ITSN1: variants seen among roughly 807,000 people sequenced by gnomAD.
The protein encoded by ITSN1 is intersectin 1, also known as intersectin-1.
ITSN1 carries 58 observed loss-of-function variants against 239.8 expected under a neutral mutation model. That is an observed-to-expected ratio of 0.24 (90% CI 0.20 to 0.30). The LOEUF is 0.30. ITSN1 is among the 10% of genes least tolerant of loss of function. The pLI is 1.00. For synonymous variants in ITSN1, 780 were observed against 770.8 expected (o/e 1.01, Z -0.20); for missense variants, 1,558 against 2,103.3 (o/e 0.74, Z 5.07).
intron 11 of ITSN1, among the ~76,000 whole-genome samples, chr21:33,771,430 G>A (rs1177602469): frequency 6.6e-6 from 1 of 152,060 alleles, no homozygotes; most frequent in East Asian, 1.9e-4. Flanking sequence ...TAAGGGACAA[G>A]GATGATGGGA....
chr21:33,730,323 A>G (rs1418391705), intron 4 of ITSN1, among the ~76,000 whole-genome samples: 1 of 146,024 alleles, frequency 6.8e-6, no homozygotes, highest in Non-Finnish European at 1.5e-5. Flanking sequence ...ACGTGTATGT[A>G]TTCATATTTA....
At chr21:33,782,762 A>G (rs1462203619) in intron 16 of ITSN1, among the ~76,000 whole-genome samples, 3 of 152,106 alleles carry the variant, frequency 2.0e-5, no homozygotes, top group East Asian at 1.9e-4. Flanking sequence ...GTGGTGGCTC[A>G]TGCCTGTAAT....
chr21:33,860,669 G>A (rs60130002), intron 31 of ITSN1, among the ~76,000 whole-genome samples: 1,558 of 152,318 alleles, frequency 0.01, 32 homozygotes, highest in African/African-American at 0.035. Flanking sequence ...GCTCAGAGAG[G>A]CTGAGTGACT....
chr21:33,670,157 C>T (rs576298800), intron 1 of ITSN1, among the ~76,000 whole-genome samples: 35 of 152,226 alleles, frequency 2.3e-4, no homozygotes, highest in Middle Eastern at 3.4e-3. Flanking sequence ...AGCCCAGGAC[C>T]AGCTTGGACA....
At chr21:33,655,590 T>A (rs1221139329) in intron 1 of ITSN1, among the ~76,000 whole-genome samples, 13 of 150,702 alleles carry the variant, frequency 8.6e-5, no homozygotes. Flanking sequence ...CTAATTTTTT[T>A]TTTTTTTTTT....
Position 33,735,096 on chromosome 21 carries a change from A to T in ITSN1, c.238A>T (p.Ile80Leu), listed in dbSNP as rs758689244. 6.2e-7 allele frequency: 1 copy of T among 1,613,956 alleles called. No homozygotes were observed. The highest frequency in any genetic ancestry group is 1.7e-5 in the Admixed American group (1 of 59,996). Residue 80 changes from isoleucine to leucine, a missense_variant, in exon 5 of 40, where the codon ATA becomes TTA. By Grantham distance (5) the Ile-to-Leu change is conservative. Around this residue, in one of 2 missense-constraint regions of ITSN1, gnomAD observed 982 missense variants for 1,209.9 expected, o/e 0.81. Transcript: ENST00000381318. ...AAGAATGGATCAAGTGGAGTTTTCC[A>T]TAGCTATGAAACTTATCAAACTGAA... Reference protein sequence around the residue: ...DGRMDQVEFSIAMKLIKLKLQ... With the variant: ...DGRMDQVEFSLAMKLIKLKLQ...
chr21:33,719,056 A>T (rs1661504959), intron 2 of ITSN1, among the ~76,000 whole-genome samples, 200 bp downstream of exon 2: 1 of 152,216 alleles, frequency 6.6e-6, no homozygotes, highest in African/African-American at 2.4e-5. Flanking sequence ...CCCAGGCATC[A>T]TTTCATCTAT....
At position 33,782,122 on chromosome 21, in the gene ITSN1, A is replaced by G. The variant is rs1479636163; in HGVS notation, c.1813A>G (p.Asn605Asp). ...SKLQEIDIFN[N>D]QLKELREIHN... ...ACTACAGGAGATTGATATTTTCAAT[A>G]ATCAGCTGAAGGTAACTCTTCTATG... The change falls in exon 16 of 40, where the codon AAT (asparagine) becomes GAT (aspartate). Residue 605 changes from asparagine (N) to aspartate (D), a missense_variant. This residue lies in a region of ITSN1 where 982 missense variants were observed against 1,209.9 expected (regional missense o/e 0.81). Transcript: ENST00000381318. 6.2e-7 allele frequency: 1 copy of G among 1,613,680 alleles called. No homozygotes were observed. The highest frequency in any genetic ancestry group is 1.3e-5 in the African/African-American group (1 of 75,018).
chr21:33,818,866 AG>A (rs1272799627), intron 23 of ITSN1, among the ~76,000 whole-genome samples: 1 of 152,236 alleles, frequency 6.6e-6, no homozygotes, highest in Non-Finnish European at 1.5e-5. Flanking sequence ...CTTTTTCATT[AG>A]GGTCTTATAG....
chr21:33,671,450 C>G (rs2090273207), intron 1 of ITSN1, among the ~76,000 whole-genome samples: 1 of 151,958 alleles, frequency 6.6e-6, no homozygotes, highest in African/African-American at 2.4e-5. Flanking sequence ...CCACGCCCGA[C>G]TAATTTTGTA....
At chr21:33,703,048 T>G (rs1201561384) in intron 1 of ITSN1, among the ~76,000 whole-genome samples, 2 of 151,742 alleles carry the variant, frequency 1.3e-5, no homozygotes, top group Non-Finnish European at 2.9e-5. Flanking sequence ...ATCGCACCAC[T>G]GCACTCCAGC....
intron 1 of ITSN1, among the ~76,000 whole-genome samples, chr21:33,666,709 G>A (rs1007310982): frequency 1.3e-4 from 20 of 152,232 alleles, no homozygotes; most frequent in African/African-American, 4.8e-4. Context: ...GGGTATTGTG[G>A]AGCCCTTGGG....
chr21:33,887,702 C>T (rs1206144209), intron 39 of ITSN1, among the ~76,000 whole-genome samples: 1 of 152,134 alleles, frequency 6.6e-6, no homozygotes, highest in African/African-American at 2.4e-5. Flanking sequence ...ACCTCCCAGG[C>T]TCAAGCAATC....
intron 21 of ITSN1, 76 bp from the exon 22 acceptor site, chr21:33,813,837 T>G: frequency 7.7e-7 from 1 of 1,300,860 alleles, no homozygotes; most frequent in Non-Finnish European, 1.0e-6. Flanking sequence ...TTTTTTTTTT[T>G]GGTACTTTAC....
rs920665389 is a variant in ITSN1 at position 33,693,455 on chromosome 21, C to T, written c.-32-25342C>T. 5.9e-5 allele frequency among the ~76,000 whole-genome samples: 9 copies of T among 152,066 alleles called. No homozygotes were observed. The South Asian group carries it at 6.2e-4, about 11-fold the overall frequency. On this transcript the variant is annotated intron_variant, in intron 1 of 39. Coordinates refer to ENST00000381318, the MANE Select transcript of ITSN1 (RefSeq NM_003024.3). ...CACTGCAACCTCCGCCTCCCAGGTT[C>T]GAGCAATTCTCCTGCCTCAGCCTTG...
chr21:33,822,197 C>T (rs1169512740), intron 24 of ITSN1, among the ~76,000 whole-genome samples: 1 of 152,200 alleles, frequency 6.6e-6, no homozygotes. Context: ...CCAGGGGCTG[C>T]CCACGTGAGC....
rs541450123 is a variant in ITSN1, at chr21:33,721,225, G to C, written c.76G>C (p.Asp26His). The change falls in exon 3 of 40, where the codon GAT becomes CAT. Residue 26 changes from aspartate (D) to histidine (H), a missense_variant. By Grantham distance (81) the Asp-to-His change is moderately conservative. This residue lies in a region of ITSN1 where 982 missense variants were observed against 1,209.9 expected (regional missense o/e 0.81). Transcript: ENST00000381318. ...AITVEERAKH[D>H]QQFHSLKPIS... ...AACTGTAGAGGAAAGAGCGAAGCAT[G>C]ATCAGCAGTTCCATAGTTTAAAGCC... 6.2e-7 allele frequency: 1 copy of C among 1,613,606 alleles called. No homozygotes were observed. The highest frequency in any genetic ancestry group is 1.3e-5 in the African/African-American group (1 of 75,048).
intron 37 of ITSN1, 135 bp downstream of exon 37, chr21:33,885,258 G>C: frequency 1.0e-6 from 1 of 954,990 alleles, no homozygotes. Context: ...AAGTGAGCTT[G>C]GGGTGGGATG....
rs542872871 is a variant in ITSN1 at position 33,868,513 on chromosome 21, T to C, written c.4173+1182T>C. Among the ~76,000 whole-genome samples, 504 of 152,252 alleles carry C rather than the reference T, an allele frequency of 3.3e-3. 1 individual carries two copies. The highest frequency in any genetic ancestry group is 0.011 in the African/African-American group (473 of 41,558). The stretch of plus-strand genomic sequence containing the variant: ...GAAATCGAGCGCAGCGCCGGTGGGC[T>C]GGCACTGCTGGGGGACCCAGTACAC... On this transcript the variant is annotated intron_variant, in intron 33 of 39. Transcript: ENST00000381318.
Sources: gnomAD v4.1 joint callset for allele counts (sites outside exome capture counted in the v4.1 genomes callset) on GRCh38, gnomAD v4.1.1 for gene constraint, gnomAD v4.1.1 regional missense constraint, MANE v1.5 for transcripts, NCBI Gene and HGNC (gene_info 2026-07-23, HGNC 2026-07-21) for gene names.